WDR81: variants seen among roughly 807,000 people sequenced by gnomAD.
WDR81 encodes WD repeat domain 81, also known as WD repeat-containing protein 81.
In WDR81, 92 loss-of-function variants were observed where a neutral mutation model predicts 140.8. That is an observed-to-expected ratio of 0.65 (90% CI 0.55 to 0.78). WDR81 has a LOEUF of 0.78. Among genes scored for constraint, WDR81 ranks in the 30% least tolerant of loss-of-function variants. The probability of loss-of-function intolerance (pLI) is 0.00; values close to 1 mark genes in which losing one functional copy is unlikely to be tolerated. For synonymous variants in WDR81, 1,183 were observed against 1,156.4 expected (o/e 1.02, Z -0.47); for missense variants, 2,502 against 2,636.4 (o/e 0.95, Z 1.12).
Position 1,727,869 on chromosome 17 carries a change from C to G in WDR81, c.2910C>G (p.Tyr970Ter). The G allele has an allele frequency of 6.4e-7, 1 of 1,550,782 alleles. No homozygotes were observed. Among genetic ancestry groups the G allele is most frequent in the Non-Finnish European group, 8.7e-7 (1 of 1,147,088 alleles). Residue 970 changes from tyrosine to a stop codon, truncating the protein, a stop_gained, in exon 1 of 10, where the codon TAC becomes TAG. Transcript: ENST00000409644. LOFTEE classifies it high-confidence loss of function. ...KYLLKPLIGAYESPCQLHGRF... is the reference protein window; with the variant it reads ...KYLLKPLIGA ...TCCTGAAGCCGCTCATTGGTGCCTA[C>G]GAGAGCCCCTGCCAGCTACACGGCC...
exon 1 of WDR81, chr17:1,716,549 A>C (rs1292857584): frequency 6.4e-7 from 1 of 1,550,976 alleles, no homozygotes; most frequent in Non-Finnish European, 8.7e-7. Context: ...GAGCAGGCGA[A>C]AGCCACGGCG....
intron 1 of WDR81, chr17:1,716,681 C>T (rs993896495): frequency 1.3e-6 from 2 of 1,544,044 alleles, no homozygotes; most frequent in African/African-American, 1.4e-5. Flanking sequence ...CCGGGGAAGT[C>T]CTTAAAGGGC....
chr17:1,724,883 C>T lies in WDR81; in HGVS notation c.-77C>T. Reference sequence around the variant, plus strand: ...CCGCGCCCATCCCAGCCCCGCCGGCCTGGCACCCCGGAAGCCGTCGCCAGC... The same window carrying T: ...CCGCGCCCATCCCAGCCCCGCCGGCTTGGCACCCCGGAAGCCGTCGCCAGC... On this transcript the variant is annotated 5_prime_UTR_variant, in exon 1 of 10. Transcript: ENST00000409644. 7.8e-7 allele frequency: 1 copy of T among 1,276,080 alleles called. No homozygotes were observed. The highest frequency in any genetic ancestry group is 9.9e-7 in the Non-Finnish European group (1 of 1,013,892). 79.0% of individuals were successfully genotyped at this position (1,276,080 alleles called of 1,614,324 possible). A position where few individuals can be genotyped will look rare whatever the true frequency, so the allele number is the denominator to read the frequency against.
rs768155045 is a variant in WDR81 at position 1,728,352 on chromosome 17, C to T, written c.3393C>T (p.Pro1131=). ...EERAPDEGGA[P]VDKSSLRSGD... The stretch of plus-strand genomic sequence containing the variant: ...GGGCTCCAGACGAGGGGGGTGCCCC[C>T]GTGGACAAGAGCAGCCTTCGATCAG... The change falls in exon 1 of 10, where the codon CCC becomes CCT. Residue 1131 remains proline (P), a synonymous_variant. Transcript: ENST00000409644. 5.1e-5 allele frequency: 83 copies of T among 1,612,904 alleles called. No homozygotes were observed. The South Asian group carries it at 6.9e-4, about 13-fold the overall frequency.
Position 1,724,896 on chromosome 17 carries a change from A to G in WDR81, c.-64A>G, listed in dbSNP as rs1192954713. On this transcript the variant is annotated 5_prime_UTR_variant, in exon 1 of 10. Coordinates refer to ENST00000409644, the MANE Select transcript of WDR81 (RefSeq NM_001163809.2). ...AGCCCCGCCGGCCTGGCACCCCGGA[A>G]GCCGTCGCCAGCAGGGCCGTGGCTG... The G allele has an allele frequency of 4.7e-6, 6 of 1,283,708 alleles. No homozygotes were observed. The highest frequency in any genetic ancestry group is 2.9e-4 in the Middle Eastern group (1 of 3,460). 79.5% of individuals were successfully genotyped at this position (1,283,708 alleles called of 1,614,324 possible).
Position 1,718,907 on chromosome 17 carries a change from C to T in WDR81, c.-124+2274C>T, listed in dbSNP as rs575261103. The stretch of plus-strand genomic sequence containing the variant: ...CGAGTCCAGGGTTTCGCCACCTCAG[C>T]ACCCACTGGCATTTTAAGTAGAATA... On this transcript the variant is annotated intron_variant, in intron 1 of 10. Coordinates refer to the WDR81 transcript ENST00000309182. 6.6e-5 allele frequency among the ~76,000 whole-genome samples: 10 copies of T among 152,286 alleles called. No individual in the cohort carries two copies. The South Asian group carries it at 2.1e-3, about 32-fold the overall frequency.
At position 1,730,914 on chromosome 17, in the gene WDR81, C is replaced by T; in HGVS notation, c.3935C>T (p.Thr1312Ile). 5.0e-6 allele frequency: 8 copies of T among 1,613,322 alleles called. No individual in the cohort carries two copies. Among genetic ancestry groups the T allele is most frequent in the Non-Finnish European group, 5.9e-6 (7 of 1,179,968 alleles). The change falls in exon 3 of 10, where the codon ACC (threonine) becomes ATC (isoleucine). Residue 1312 changes from threonine (T) to isoleucine (I), a missense_variant. This residue lies in a region of WDR81 where 1,737 missense variants were observed against 1,843.0 expected (regional missense o/e 0.94). Coordinates refer to ENST00000409644, the MANE Select transcript of WDR81 (RefSeq NM_001163809.2). Reference protein sequence around the residue: ...IARLYGEPVLTYQYLPYISYL... With the variant: ...IARLYGEPVLIYQYLPYISYL... The stretch of plus-strand genomic sequence containing the variant: ...CGCCTGTATGGGGAGCCTGTCCTCA[C>T]CTACCAGTACCTGCCCTACATCAGC...
rs560592370 is a variant in WDR81, at chr17:1,724,880, G to C, written c.-80G>C. On this transcript the variant is annotated 5_prime_UTR_variant, in exon 1 of 10. Coordinates refer to ENST00000409644, the MANE Select transcript of WDR81 (RefSeq NM_001163809.2). ...GTCCCGCGCCCATCCCAGCCCCGCC[G>C]GCCTGGCACCCCGGAAGCCGTCGCC... 7.9e-7 allele frequency: 1 copy of C among 1,263,896 alleles called. No homozygotes were observed. The highest frequency in any genetic ancestry group is 9.9e-7 in the Non-Finnish European group (1 of 1,006,808). The allele number at this position is 1,263,896 out of a possible 1,614,324, so 78.3% of individuals were successfully genotyped here. A position where few individuals can be genotyped will look rare whatever the true frequency, so the allele number is the denominator to read the frequency against.
At chr17:1,736,958 C>G (rs1341950605) in intron 9 of WDR81, among the ~76,000 whole-genome samples, 3 of 152,184 alleles carry the variant, frequency 2.0e-5, no homozygotes, top group Admixed American at 6.5e-5. Context: ...GTCAGGAGGG[C>G]TCTGGGGTCA....
chr17:1,738,157 A>G lies in WDR81; in HGVS notation c.*472A>G. On this transcript the variant is annotated 3_prime_UTR_variant, in exon 10 of 10. Coordinates refer to ENST00000409644, the MANE Select transcript of WDR81 (RefSeq NM_001163809.2). The stretch of plus-strand genomic sequence containing the variant: ...TGGTGCTTGGATTCCAGCCTAAGGA[A>G]GGCTGGCCGTGGTCCAGGAGTTAAG... The G allele has an allele frequency of 5.7e-6, 1 of 174,748 alleles. No individual in the cohort carries two copies. The highest frequency in any genetic ancestry group is 5.4e-5 in the Admixed American group (1 of 18,426). The allele number at this position is 174,748 out of a possible 1,614,324, so 10.8% of individuals were successfully genotyped here. A position where few individuals can be genotyped will look rare whatever the true frequency, so the allele number is the denominator to read the frequency against.
chr17:1,723,546 C>T (rs965393564), upstream of WDR81, among the ~76,000 whole-genome samples: 2 of 149,724 alleles, frequency 1.3e-5, no homozygotes, highest in Non-Finnish European at 1.5e-5. Context: ...AGTACAGTGG[C>T]GCCATCTCGG....
chr17:1,720,441 A>G (rs1012305723), upstream of WDR81, among the ~76,000 whole-genome samples: 1 of 152,214 alleles, frequency 6.6e-6, no homozygotes, highest in Non-Finnish European at 1.5e-5. Context: ...CTTGTTAAAC[A>G]TTTAGATAGC....
rs541321807 is a variant in WDR81, at chr17:1,726,992, A to C, written c.2033A>C (p.Gln678Pro). 1 of 1,550,440 alleles carries C rather than the reference A, an allele frequency of 6.4e-7. No homozygotes were observed. Among genetic ancestry groups the C allele is most frequent in the Admixed American group, 2.0e-5 (1 of 51,014 alleles). ...TCCCTTGCTGGGAAAGCAGGTGACC[A>C]GCTGGGCTCCTCCAGTCAAGCGTCC... is the stretch of plus-strand genomic sequence containing the variant. ...SISLAGKAGDQLGSSSQASPG... is the reference protein window; with the variant it reads ...SISLAGKAGDPLGSSSQASPG... The change falls in exon 1 of 10, where the codon CAG becomes CCG. Residue 678 changes from glutamine to proline, a missense_variant. Physicochemically the swap from Gln to Pro is moderately conservative, Grantham distance 76. Coordinates refer to ENST00000409644, the MANE Select transcript of WDR81 (RefSeq NM_001163809.2).
In WDR81 at chr17:1,725,251, C is replaced by T. The variant is rs999388521; in HGVS notation, c.292C>T (p.Leu98=). 3.9e-6 allele frequency: 6 copies of T among 1,543,262 alleles called. No individual in the cohort carries two copies. The East Asian group carries it at 7.3e-5, about 19-fold the overall frequency. Residue 98 remains leucine, a synonymous_variant, in exon 1 of 10, where the codon CTG becomes TTG. Coordinates refer to ENST00000409644, the MANE Select transcript of WDR81 (RefSeq NM_001163809.2). Reference sequence around the variant, plus strand: ...TCTCCTGCAGCGCTCTGTGCAAAGGCTGCCTGCCGGCTGGACGCGCGTGGA... The same window carrying T: ...TCTCCTGCAGCGCTCTGTGCAAAGGTTGCCTGCCGGCTGGACGCGCGTGGA... The part of the protein sequence containing the change: ...RTLLQRSVQR[L]PAGWTRVEVH...
chr17:1,728,870 G>A (rs182057160), intron 1 of WDR81, among the ~76,000 whole-genome samples: 15 of 151,596 alleles, frequency 9.9e-5, no homozygotes, highest in Non-Finnish European at 1.8e-4. Context: ...GGAGAATGGC[G>A]TGAACCCGGG....
Position 1,732,808 on chromosome 17 carries a change from A to G in WDR81, c.4466A>G (p.Tyr1489Cys), listed in dbSNP as rs757320963. 5 of 1,611,530 alleles carry G rather than the reference A, an allele frequency of 3.1e-6. No individual in the cohort carries two copies. Among genetic ancestry groups the G allele is most frequent in the South Asian group, 2.2e-5 (2 of 90,890 alleles). The change falls in exon 6 of 10, where the codon TAC becomes TGC. Residue 1489 changes from tyrosine to cysteine, a missense_variant. Physicochemically the swap from Tyr to Cys is radical, Grantham distance 194. Coordinates refer to ENST00000409644, the MANE Select transcript of WDR81 (RefSeq NM_001163809.2). ...VFTLEMAYTI[Y>C]VPFSCLLGDI... ...ACCCTGGAGATGGCATACACAATCTACGTGCCCTTCTCCTGCCTGTTGGGT... is the reference window on the plus strand; with the variant it reads ...ACCCTGGAGATGGCATACACAATCTGCGTGCCCTTCTCCTGCCTGTTGGGT...
At chr17:1,718,984 T>C (rs1171888984) in intron 1 of WDR81, among the ~76,000 whole-genome samples, 1 of 152,172 alleles carries the variant, frequency 6.6e-6, no homozygotes, top group African/African-American at 2.4e-5. Context: ...ACGTGGTCCC[T>C]GGCCTCTGTC....
chr17:1,716,571 A>G, exon 1 of WDR81: 2 of 1,551,470 alleles, frequency 1.3e-6, no homozygotes, highest in Non-Finnish European at 1.7e-6. Context: ...CTGCGTTTGC[A>G]ATGCATGCTG....
rs1905017536 is a variant in WDR81 at position 1,737,793 on chromosome 17, CGCCCTGGGTGCCCACATG to C, written c.*112_*129del. ...CCCTCCAGGGAGGCCCTGGGTCCCA[CGCCCTGGGTGCCCACATG>C]GCCTGCCAACTAGGGCCTGCAAATG... On this transcript the variant is annotated 3_prime_UTR_variant, in exon 10 of 10. Transcript: ENST00000409644. The C allele has an allele frequency of 2.9e-6, 4 of 1,382,560 alleles. No individual in the cohort carries two copies. The highest frequency in any genetic ancestry group is 5.2e-4 in the Middle Eastern group (2 of 3,878). The allele number at this position is 1,382,560 out of a possible 1,614,324, so 85.6% of individuals were successfully genotyped here.
Sources: gnomAD v4.1 joint callset for allele counts (sites outside exome capture counted in the v4.1 genomes callset) on GRCh38, gnomAD v4.1.1 for gene constraint, gnomAD v4.1.1 regional missense constraint, MANE v1.5 for transcripts, NCBI Gene and HGNC (gene_info 2026-07-23, HGNC 2026-07-21) for gene names.